The following PCDH9 variants were observed in gnomAD, a reference collection of about 807,000 sequenced individuals.
The protein encoded by PCDH9 is protocadherin-9.
PCDH9 carries 24 observed loss-of-function variants against 70.6 expected under a neutral mutation model. The observed-to-expected ratio is 0.34, with a 90% CI of 0.25 to 0.48. The LOEUF (loss-of-function observed/expected upper bound fraction) is 0.48, where lower values mean the gene tolerates loss of function less well. PCDH9 is among the 20% of genes least tolerant of loss of function. The pLI is 0.99. For missense variants in PCDH9, 1,281 were observed against 1,503.6 expected (o/e 0.85, Z 2.45); for synonymous variants, 562 against 558.5 (o/e 1.01, Z -0.09).
chr13:66,679,768 G>A (rs1318736459), intron 3 of PCDH9, among the ~76,000 whole-genome samples: 3 of 151,714 alleles, frequency 2.0e-5, no homozygotes, highest in Non-Finnish European at 3.0e-5. Context: ...TCTTTCCAAT[G>A]TTGAAAAGAA....
intron 2 of PCDH9, chr13:67,210,414 T>C (rs1340347715): frequency 6.6e-6 from 1 of 152,072 alleles, no homozygotes; most frequent in Non-Finnish European, 1.5e-5. Flanking sequence ...TGCAAATCAT[T>C]CATTGTCAGG....
chr13:66,900,807 A>G (rs371809860), intron 3 of PCDH9, among the ~76,000 whole-genome samples: 32 of 151,872 alleles, frequency 2.1e-4, no homozygotes, highest in African/African-American at 7.2e-4. Context: ...GTGTGTGTTA[A>G]ACAGAACAAT....
intron 4 of PCDH9, among the ~76,000 whole-genome samples, chr13:66,568,962 T>C (rs2076692974): frequency 6.7e-6 from 1 of 149,958 alleles, no homozygotes. Context: ...ATATATGGAG[T>C]TTCTATTAAC....
At chr13:66,323,843 T>A (rs910268865) in intron 4 of PCDH9, among the ~76,000 whole-genome samples, 3 of 151,982 alleles carry the variant, frequency 2.0e-5, no homozygotes, top group Non-Finnish European at 4.4e-5. Context: ...AGGAAACACA[T>A]ACACTTGTCA....
At chr13:66,783,662 A>G (rs969553481) in intron 3 of PCDH9, among the ~76,000 whole-genome samples, 12 of 152,290 alleles carry the variant, frequency 7.9e-5, no homozygotes, top group South Asian at 6.2e-4. Flanking sequence ...AACACATAAA[A>G]TCACTTCAGA....
intron 3 of PCDH9, among the ~76,000 whole-genome samples, chr13:66,711,877 A>C (rs1387954401): frequency 6.6e-6 from 1 of 152,120 alleles, no homozygotes; most frequent in Admixed American, 6.5e-5. Flanking sequence ...ACAGCAACAC[A>C]TTGCTGAGAT....
intron 2 of PCDH9, among the ~76,000 whole-genome samples, chr13:67,164,218 A>C (rs1212315521): frequency 6.6e-6 from 1 of 152,192 alleles, no homozygotes; most frequent in Non-Finnish European, 1.5e-5. Context: ...TATATATTTC[A>C]GGTAAATATT....
chr13:67,070,983 C>T (rs2085750209), intron 2 of PCDH9, among the ~76,000 whole-genome samples: 1 of 151,988 alleles, frequency 6.6e-6, no homozygotes, highest in Non-Finnish European at 1.5e-5. Flanking sequence ...TGACAAAATG[C>T]CATTCTAGCA....
intron 3 of PCDH9, among the ~76,000 whole-genome samples, chr13:66,637,623 T>C (rs1186297099): frequency 6.6e-6 from 1 of 152,134 alleles, no homozygotes; most frequent in Non-Finnish European, 1.5e-5. Flanking sequence ...TTTAGAAATT[T>C]AATTTTCTGG....
intron 2 of PCDH9, among the ~76,000 whole-genome samples, chr13:66,974,496 A>G (rs1409864696): frequency 6.6e-6 from 1 of 152,012 alleles, no homozygotes. Context: ...GAAGTAGGGA[A>G]GTGGGTAGAT....
chr13:66,374,767 T>C (rs1328043459), intron 4 of PCDH9, among the ~76,000 whole-genome samples: 1 of 152,042 alleles, frequency 6.6e-6, no homozygotes, highest in Non-Finnish European at 1.5e-5. Context: ...ATTCTAAACT[T>C]AAACTGTCAC....
chr13:67,021,816 T>C (rs184812212), intron 2 of PCDH9, among the ~76,000 whole-genome samples: 10 of 152,200 alleles, frequency 6.6e-5, no homozygotes, highest in Admixed American at 3.9e-4. Context: ...TAAATCAGCC[T>C]CCCAAAGTGC....
chr13:66,670,130 T>C (rs1464861247), intron 3 of PCDH9, among the ~76,000 whole-genome samples: 2 of 152,174 alleles, frequency 1.3e-5, no homozygotes, highest in African/African-American at 2.4e-5. Flanking sequence ...AAATTATGCG[T>C]TCAGTTTTTT....
At chr13:66,908,753 C>CTT (rs35348940) in intron 2 of PCDH9, among the ~76,000 whole-genome samples, 5 of 151,872 alleles carry the variant, frequency 3.3e-5, no homozygotes, top group Non-Finnish European at 5.9e-5. Flanking sequence ...TATGTACCTT[C>CTT]TTTTTTTGCT....
intron 4 of PCDH9, among the ~76,000 whole-genome samples, chr13:66,350,593 GGT>G (rs1956279087): frequency 6.6e-6 from 1 of 151,876 alleles, no homozygotes; most frequent in African/African-American, 2.4e-5. Flanking sequence ...CAATTCTTCT[GGT>G]GTTTCAGGAC....
chr13:66,416,147 T>A (rs1957456449), intron 4 of PCDH9, among the ~76,000 whole-genome samples: 1 of 152,110 alleles, frequency 6.6e-6, no homozygotes, highest in African/African-American at 2.4e-5. Context: ...GGGAATATGT[T>A]TTGTTTGTTT....
At chr13:66,391,483 C>T (rs1376397101) in intron 4 of PCDH9, among the ~76,000 whole-genome samples, 2 of 152,078 alleles carry the variant, frequency 1.3e-5, no homozygotes, top group African/African-American at 4.8e-5. Flanking sequence ...CAAATAGAGC[C>T]TTGAGCTTCA....
At chr13:66,934,400 G>C (rs1594280451) in intron 2 of PCDH9, among the ~76,000 whole-genome samples, 1 of 151,738 alleles carries the variant, frequency 6.6e-6, no homozygotes, top group Admixed American at 6.6e-5. Flanking sequence ...AATTAGCTGG[G>C]TGTGGTGGCG....
chr13:66,431,182 T>C (rs180781340), intron 4 of PCDH9, among the ~76,000 whole-genome samples: 3 of 152,194 alleles, frequency 2.0e-5, no homozygotes, highest in Admixed American at 6.6e-5. Flanking sequence ...CCACATATTC[T>C]ATTCAAAGGA....
Sources: allele counts gnomAD v4.1 joint callset (sites outside exome capture counted in the v4.1 genomes callset), GRCh38; gene constraint gnomAD v4.1.1; transcripts MANE v1.5; gene names NCBI Gene and HGNC (gene_info 2026-07-23, HGNC 2026-07-21).